Variants in SGSM1 observed in about 807,000 individuals in gnomAD.
SGSM1 encodes small G protein signaling modulator 1.
In SGSM1, 73 loss-of-function variants were observed where a neutral mutation model predicts 133.8. The observed-to-expected ratio is 0.55, with a 90% CI of 0.45 to 0.66. The LOEUF is 0.66. SGSM1 is among the 30% of genes least tolerant of loss of function. The pLI, the probability that SGSM1 is intolerant of heterozygous loss-of-function variation, is 0.00. For missense variants in SGSM1, 1,213 were observed against 1,448.1 expected (o/e 0.84, Z 2.64); for synonymous variants, 563 against 573.0 (o/e 0.98, Z 0.25).
chr22:24,919,040 C>CT (rs143985087), intron 23 of SGSM1, among the ~76,000 whole-genome samples: 1,623 of 71,764 alleles, frequency 0.023, 46 homozygotes, highest in African/African-American at 0.036. Flanking sequence ...CACACCCGGC[C>CT]TTTTTTTTTT....
At chr22:24,849,686 G>C (rs1930342349) in intron 4 of SGSM1, among the ~76,000 whole-genome samples, 1 of 152,210 alleles carries the variant, frequency 6.6e-6, no homozygotes, top group Non-Finnish European at 1.5e-5. Context: ...GTTGGTCCAG[G>C]AGGGCTTCCT....
intron 9 of SGSM1, among the ~76,000 whole-genome samples, chr22:24,864,919 A>C (rs1489530524): frequency 6.6e-6 from 1 of 152,196 alleles, no homozygotes; most frequent in Non-Finnish European, 1.5e-5. Flanking sequence ...AATCAACTAC[A>C]CTTCCTTGAG....
intron 22 of SGSM1, among the ~76,000 whole-genome samples, chr22:24,917,055 CTTT>C (rs139775): frequency 6.5e-4 from 77 of 118,434 alleles, no homozygotes; most frequent in Admixed American, 5.3e-4. Context: ...ATAAAAAATT[CTTT>C]TTTTTTTTTT....
At chr22:24,913,292 C>CA (rs35021919) in intron 22 of SGSM1, among the ~76,000 whole-genome samples, 4,551 of 96,688 alleles carry the variant, frequency 0.047, 261 homozygotes, top group African/African-American at 0.16. Flanking sequence ...GACTCCATCT[C>CA]AAAAAAAAAA....
At chr22:24,846,593 A>G (rs986739476) in intron 3 of SGSM1, among the ~76,000 whole-genome samples, 2 of 152,314 alleles carry the variant, frequency 1.3e-5, no homozygotes, top group South Asian at 2.1e-4. Context: ...GAGAAATTTG[A>G]TGGCACTAAA....
intron 2 of SGSM1, among the ~76,000 whole-genome samples, chr22:24,828,528 C>A (rs1177034653): frequency 6.6e-6 from 1 of 152,076 alleles, no homozygotes; most frequent in Non-Finnish European, 1.5e-5. Flanking sequence ...CATCACTGGT[C>A]GTTAGAGAAA....
chr22:24,899,205 T>C (rs1224342867), intron 19 of SGSM1, among the ~76,000 whole-genome samples: 5 of 152,130 alleles, frequency 3.3e-5, no homozygotes, highest in Non-Finnish European at 7.3e-5. Context: ...TTTTCCTGTT[T>C]TCTTTTTCTT....
chr22:24,821,098 G>A (rs925332883), intron 2 of SGSM1, among the ~76,000 whole-genome samples: 8 of 152,072 alleles, frequency 5.3e-5, no homozygotes, highest in South Asian at 2.1e-4. Flanking sequence ...GCGCAATGGC[G>A]TGATCTCGAC....
chr22:24,917,876 T>C (rs1408186294), intron 23 of SGSM1, 122 bp downstream of exon 23: 3 of 699,764 alleles, frequency 4.3e-6, no homozygotes, highest in Non-Finnish European at 7.2e-6. Flanking sequence ...GAGAAGCACA[T>C]GTTTATGGAG....
In SGSM1 at chr22:24,924,525, C is replaced by A. The variant is rs1934127599; in HGVS notation, c.*251C>A. ...GCCCAAGTCTGGCGTTCCTCCCTTG[C>A]AGGAGGTGGAGGTTGTTGGTGGAGG... is the stretch of plus-strand genomic sequence containing the variant. On this transcript the variant is annotated 3_prime_UTR_variant, in exon 25 of 25. Coordinates refer to ENST00000400358, the MANE Select transcript of SGSM1 (RefSeq NM_001098497.3). 1.2e-5 allele frequency: 6 copies of A among 508,992 alleles called. No homozygotes were observed. The Admixed American group carries it at 2.0e-4, about 17-fold the overall frequency. 31.5% of individuals were successfully genotyped at this position (508,992 alleles called of 1,614,324 possible).
At chr22:24,862,952 C>G (rs1931238448) in intron 9 of SGSM1, among the ~76,000 whole-genome samples, 2 of 152,170 alleles carry the variant, frequency 1.3e-5, no homozygotes, top group African/African-American at 4.8e-5. Context: ...CACCCAACGT[C>G]AAAGCTTTCA....
At chr22:24,884,229 A>C (rs750374944) in intron 15 of SGSM1, 31 bp downstream of exon 15, 1 of 1,592,318 alleles carries the variant, frequency 6.3e-7, no homozygotes, top group Non-Finnish European at 8.6e-7. Context: ...GTCTGCAGTG[A>C]TGCAGAGGCT....
At chr22:24,865,154 C>T (rs186314941) in intron 9 of SGSM1, among the ~76,000 whole-genome samples, 13 of 152,292 alleles carry the variant, frequency 8.5e-5, no homozygotes, top group African/African-American at 2.2e-4. Flanking sequence ...CTTTGTTCAC[C>T]GGGCATTCCA....
rs373471131 is a variant in SGSM1, at chr22:24,855,879, A to G, written c.801+199A>G. On this transcript the variant is annotated intron_variant, in intron 8 of 24. Coordinates refer to ENST00000400358, the MANE Select transcript of SGSM1 (RefSeq NM_001098497.3). The stretch of plus-strand genomic sequence containing the variant: ...CATCCTTACATCCATCCATCCACCC[A>G]TTGTTATATCCATCCATCCACCCAT... The G allele has an allele frequency of 6.5e-5, 51 of 789,534 alleles. 1 individual carries two copies. The East Asian group carries it at 1.2e-3, about 18-fold the overall frequency. The allele number at this position is 789,534 out of a possible 1,614,324, so 48.9% of individuals were successfully genotyped here.
rs767457117 is a variant in SGSM1 at position 24,917,530 on chromosome 22, T to C, written c.2929-128T>C. On this transcript the variant is annotated intron_variant, in intron 22 of 24. Transcript: ENST00000400358. ...TGTCTATTCAGATCTTTTCCCATTT[T>C]TTAAACTGTAACTGGCTGTTAAGGA... The C allele has an allele frequency of 7.1e-4, 404 of 572,826 alleles. 3 individuals carry two copies. Among genetic ancestry groups the C allele is most frequent in the Middle Eastern group, 3.1e-3 (9 of 2,898 alleles). 35.5% of individuals were successfully genotyped at this position (572,826 alleles called of 1,614,324 possible). A position where few individuals can be genotyped will look rare whatever the true frequency, so the allele number is the denominator to read the frequency against.
At chr22:24,920,179 T>A (rs549534721) in intron 24 of SGSM1, among the ~76,000 whole-genome samples, 186 bp downstream of exon 24, 3 of 152,120 alleles carry the variant, frequency 2.0e-5, no homozygotes, top group Non-Finnish European at 4.4e-5. Flanking sequence ...AGGGTGCATT[T>A]TTCTCAGGGA....
intron 20 of SGSM1, 27 bp from the exon 21 acceptor site, chr22:24,905,078 A>G (rs1569173322): frequency 1.2e-6 from 2 of 1,610,098 alleles, no homozygotes; most frequent in Admixed American, 1.7e-5. Flanking sequence ...CACGGCTGCC[A>G]TCATTGGCCC....
intron 16 of SGSM1, among the ~76,000 whole-genome samples, chr22:24,890,378 C>T (rs1234430292): frequency 2.0e-5 from 3 of 152,146 alleles, no homozygotes; most frequent in Non-Finnish European, 4.4e-5. Flanking sequence ...AGTAAGAGGT[C>T]CCAGGTACCC....
chr22:24,860,889 G>T (rs1931082778), intron 9 of SGSM1, among the ~76,000 whole-genome samples: 1 of 93,314 alleles, frequency 1.1e-5, no homozygotes, highest in Non-Finnish European at 1.9e-5. Flanking sequence ...GACAGAGCGA[G>T]ACTGTCTTAA....
Sources: allele counts gnomAD v4.1 joint callset (sites outside exome capture counted in the v4.1 genomes callset), GRCh38; gene constraint gnomAD v4.1.1; transcripts MANE v1.5; gene names NCBI Gene and HGNC (gene_info 2026-07-23, HGNC 2026-07-21).